CSMD1: variants seen among roughly 807,000 people sequenced by gnomAD.
CSMD1 encodes CUB and sushi domain-containing protein 1.
A neutral mutation model predicts 417.5 loss-of-function variants in CSMD1; 213 were observed. The ratio of observed to expected loss-of-function variants is 0.51; its 90% CI spans 0.46 to 0.57. CSMD1 has a LOEUF of 0.57. Ranked by LOEUF, CSMD1 falls within the 20% of genes least tolerant of loss-of-function variation. CSMD1 has a pLI of 0.00. For synonymous variants in CSMD1, 2,862 were observed against 1,736.8 expected, an observed-to-expected ratio of 1.65 and a Z score of -16.11; for missense variants, 6,923 against 4,529.7, an observed-to-expected ratio of 1.53 and a Z score of -15.17.
At chr8:4,101,184 T>A (rs1024417088) in intron 3 of CSMD1, among the ~76,000 whole-genome samples, 1 of 152,198 alleles carries the variant, frequency 6.6e-6, no homozygotes, top group Non-Finnish European at 1.5e-5. Context: ...TCTGAATACA[T>A]CTATATGCCT....
At chr8:4,461,535 C>A (rs1363117914) in intron 2 of CSMD1, among the ~76,000 whole-genome samples, 1 of 138,256 alleles carries the variant, frequency 7.2e-6, no homozygotes, top group Admixed American at 7.7e-5. Flanking sequence ...ATGCAAAAAT[C>A]CATATTTTTT....
intron 3 of CSMD1, among the ~76,000 whole-genome samples, chr8:4,175,285 C>G (rs1305650116): frequency 6.6e-6 from 1 of 152,134 alleles, no homozygotes; most frequent in Admixed American, 6.5e-5. Context: ...GCTGATGGGT[C>G]ATATCCTTAG....
At chr8:4,748,477 G>A (rs569248443) in intron 1 of CSMD1, among the ~76,000 whole-genome samples, 1 of 152,274 alleles carries the variant, frequency 6.6e-6, no homozygotes, top group African/African-American at 2.4e-5. Flanking sequence ...GGAAAGTGTG[G>A]CTGGCTGTGC....
intron 3 of CSMD1, among the ~76,000 whole-genome samples, chr8:4,321,814 C>A (rs551865639): frequency 6.6e-6 from 1 of 151,958 alleles, no homozygotes; most frequent in Non-Finnish European, 1.5e-5. Flanking sequence ...TACTAAATAT[C>A]TTTTTTGGTA....
intron 17 of CSMD1, among the ~76,000 whole-genome samples, chr8:3,390,347 T>G (rs1198035308): frequency 1.0e-5 from 1 of 96,606 alleles, no homozygotes; most frequent in Non-Finnish European, 1.9e-5. Context: ...AGAGCAAGAC[T>G]CTGTCTCAAA....
chr8:3,883,450 G>A (rs1011707768), intron 5 of CSMD1, among the ~76,000 whole-genome samples: 2 of 152,058 alleles, frequency 1.3e-5, no homozygotes, highest in East Asian at 1.9e-4. Context: ...ATATATGTAT[G>A]CTCGTGTATA....
chr8:2,956,460 A>T (rs1803016185), intron 63 of CSMD1, among the ~76,000 whole-genome samples: 1 of 151,020 alleles, frequency 6.6e-6, no homozygotes, highest in Non-Finnish European at 1.5e-5. Flanking sequence ...TTATTTATTT[A>T]TTTTTTATTT....
intron 3 of CSMD1, among the ~76,000 whole-genome samples, chr8:4,046,122 A>G (rs924775285): frequency 6.6e-6 from 1 of 152,152 alleles, no homozygotes; most frequent in African/African-American, 2.4e-5. Context: ...TAGCTCATAT[A>G]TATCTGATAT....
chr8:3,685,793 A>G (rs1482815548), intron 7 of CSMD1, among the ~76,000 whole-genome samples: 2 of 152,058 alleles, frequency 1.3e-5, no homozygotes, highest in African/African-American at 4.8e-5. Flanking sequence ...TTGAAGTTAT[A>G]TACATTTATA....
intron 1 of CSMD1, among the ~76,000 whole-genome samples, chr8:4,930,701 T>G (rs1563796005): frequency 6.6e-6 from 1 of 152,218 alleles, no homozygotes; most frequent in African/African-American, 2.4e-5. Flanking sequence ...TCGTTTATAT[T>G]GTGGATAATA....
chr8:4,738,777 T>C (rs1472257146), intron 1 of CSMD1, among the ~76,000 whole-genome samples: 2 of 152,168 alleles, frequency 1.3e-5, no homozygotes, highest in Non-Finnish European at 2.9e-5. Context: ...TTAAGCTTGA[T>C]ACAATAAACA....
intron 3 of CSMD1, among the ~76,000 whole-genome samples, chr8:4,066,836 A>G (rs923140280): frequency 2.0e-5 from 3 of 152,198 alleles, no homozygotes; most frequent in Non-Finnish European, 1.5e-5. Context: ...CCCACTCACA[A>G]ACACACACAG....
intron 1 of CSMD1, among the ~76,000 whole-genome samples, chr8:4,933,699 A>G (rs1421953794): frequency 9.2e-5 from 14 of 152,206 alleles, no homozygotes; most frequent in Admixed American, 9.2e-4. Context: ...AAATGGATGG[A>G]TGGAAGAATG....
At chr8:3,897,492 A>T (rs1038248062) in intron 5 of CSMD1, among the ~76,000 whole-genome samples, 1 of 152,156 alleles carries the variant, frequency 6.6e-6, no homozygotes, top group African/African-American at 2.4e-5. Flanking sequence ...TTATGATCTT[A>T]AAGTCATGCA....
chr8:4,480,462 A>T (rs1325027336), intron 2 of CSMD1, among the ~76,000 whole-genome samples: 2 of 152,176 alleles, frequency 1.3e-5, no homozygotes, highest in African/African-American at 4.8e-5. Context: ...CTACTCTCAT[A>T]AAAAAGCAGG....
intron 1 of CSMD1, among the ~76,000 whole-genome samples, chr8:4,783,078 T>G (rs536100240): frequency 6.6e-6 from 1 of 152,168 alleles, no homozygotes; most frequent in Non-Finnish European, 1.5e-5. Flanking sequence ...CAATAAATGA[T>G]TGTAAAATCA....
chr8:2,997,897 T>C, intron 54 of CSMD1, 114 bp downstream of exon 54: 1 of 983,610 alleles, frequency 1.0e-6, no homozygotes, highest in South Asian at 2.0e-5. Flanking sequence ...GGTGAGAGTT[T>C]GCAGAACTCT....
At chr8:3,714,127 C>T (rs1301412035) in intron 6 of CSMD1, among the ~76,000 whole-genome samples, 3 of 149,666 alleles carry the variant, frequency 2.0e-5, no homozygotes, top group Non-Finnish European at 4.4e-5. Context: ...AAGTATATAA[C>T]ATATAAGTTT....
rs1030503603 is a variant in CSMD1, at chr8:3,133,723, C to G, written c.6241+8742G>C. 2.0e-5 allele frequency among the ~76,000 whole-genome samples: 3 copies of G among 152,190 alleles called. No individual in the cohort carries two copies. In the East Asian group the frequency reaches 5.8e-4, roughly 29 times the overall value. ...TGGCAGGAGTGCCCAGCACCTCTCG[C>G]TGGCTCAGGACCTACAGGTTGGACT... On this transcript the variant is annotated intron_variant, in intron 41 of 69. Coordinates refer to ENST00000635120, the MANE Select transcript of CSMD1 (RefSeq NM_033225.6).
Sources: allele counts gnomAD v4.1 joint callset (sites outside exome capture counted in the v4.1 genomes callset), GRCh38; gene constraint gnomAD v4.1.1; transcripts MANE v1.5; gene names NCBI Gene and HGNC (gene_info 2026-07-23, HGNC 2026-07-21).